The following MLPH variants were observed in gnomAD, a reference collection of about 807,000 sequenced individuals.
The protein encoded by MLPH is exophilin-3.
Under a neutral mutation model 72.1 loss-of-function variants are expected in MLPH, and 51 were observed. That is an observed-to-expected ratio of 0.71 (90% CI 0.56 to 0.89). The LOEUF (loss-of-function observed/expected upper bound fraction) is 0.89. Ranked by LOEUF, MLPH falls within the 40% of genes least tolerant of loss-of-function variation. The pLI, the probability that MLPH is intolerant of heterozygous loss-of-function variation, is 0.00. For missense variants in MLPH, 743 were observed against 759.9 expected, an observed-to-expected ratio of 0.98 and a Z score of 0.26; for synonymous variants, 301 against 310.1, an observed-to-expected ratio of 0.97 and a Z score of 0.31.
chr2:237,503,118 C>T (rs2079686955), intron 2 of MLPH, among the ~76,000 whole-genome samples: 1 of 152,038 alleles, frequency 6.6e-6, no homozygotes, highest in African/African-American at 2.4e-5. Context: ...AATTCCATCT[C>T]AAAAATAAAT....
rs1446734145 is a variant in MLPH, at chr2:237,512,759, G to C, written c.445+1658G>C. ...ACACCGGGAAAAGCCATGCTGTCAA[G>C]CATCTCAGAATCTCAACCCCAGAGG... On this transcript the variant is annotated intron_variant, in intron 4 of 15. Coordinates refer to ENST00000264605, the MANE Select transcript of MLPH (RefSeq NM_024101.7). The surrounding 1 kb of genome is among the most constrained non-coding windows in gnomAD (Gnocchi z 5.5). Among the ~76,000 whole-genome samples, 1 of 152,142 alleles carries C rather than the reference G, an allele frequency of 6.6e-6. No individual in the cohort carries two copies. The highest frequency in any genetic ancestry group is 1.5e-5 in the Non-Finnish European group (1 of 68,014).
At chr2:237,495,233 A>G (rs1323509682) in intron 2 of MLPH, among the ~76,000 whole-genome samples, 1 of 152,218 alleles carries the variant, frequency 6.6e-6, no homozygotes, top group East Asian at 1.9e-4. Context: ...GGTTACATTT[A>G]GGAACTGCCC....
intron 8 of MLPH, among the ~76,000 whole-genome samples, chr2:237,531,318 G>A (rs1171190900): frequency 2.6e-5 from 4 of 152,176 alleles, no homozygotes; most frequent in Non-Finnish European, 4.4e-5. Flanking sequence ...AGGGTGGCCA[G>A]GATAGAGACC....
chr2:237,522,057 AG>A (rs1268209940), intron 6 of MLPH, among the ~76,000 whole-genome samples: 1 of 77,932 alleles, frequency 1.3e-5, no homozygotes, highest in African/African-American at 5.7e-5. Context: ...GGAGCGGAGC[AG>A]GGCTGAGACT....
intron 13 of MLPH, among the ~76,000 whole-genome samples, chr2:237,547,336 G>A (rs1438799950): frequency 2.6e-5 from 4 of 151,008 alleles, no homozygotes; most frequent in African/African-American, 7.3e-5. Flanking sequence ...GGAGCTCCCC[G>A]TGTTTAGGTG....
chr2:237,542,435 A>G, intron 11 of MLPH, 132 bp from the exon 12 acceptor site: 1 of 743,808 alleles, frequency 1.3e-6, no homozygotes, highest in Non-Finnish European at 2.4e-6. Flanking sequence ...CTGTGATGCC[A>G]ATCTTAAGGG....
intron 2 of MLPH, among the ~76,000 whole-genome samples, chr2:237,493,837 A>G (rs922401384): frequency 3.3e-5 from 5 of 152,234 alleles, no homozygotes; most frequent in Non-Finnish European, 5.9e-5. Context: ...ATAGAGCAAA[A>G]GGTGATACAT....
chr2:237,516,370 A>G (rs1045873581), intron 4 of MLPH, among the ~76,000 whole-genome samples: 7 of 152,122 alleles, frequency 4.6e-5, no homozygotes, highest in African/African-American at 1.7e-4. Flanking sequence ...GGTCAGTGTG[A>G]GGAAGGAGCC....
Position 237,510,838 on chromosome 2 carries a change from G to A in MLPH, c.332+43G>A. The A allele has an allele frequency of 6.2e-7, 1 of 1,608,250 alleles. No individual in the cohort carries two copies. Among genetic ancestry groups the A allele is most frequent in the Non-Finnish European group, 8.5e-7 (1 of 1,175,938 alleles). ...GGTAAAATGACCTTGATAGTTTCTG[G>A]ATCTGGCGTGTCCCTTCCATGGGGC... On this transcript the variant is annotated intron_variant, in intron 3 of 15. Coordinates refer to ENST00000264605, the MANE Select transcript of MLPH (RefSeq NM_024101.7). The surrounding 1 kb of genome is among the most constrained non-coding windows in gnomAD (Gnocchi z 4.4).
At position 237,552,207 on chromosome 2, in the gene MLPH, T is replaced by C. The variant is rs1181195567; in HGVS notation, c.1676-130T>C. 1.2e-5 allele frequency: 8 copies of C among 693,432 alleles called. No individual in the cohort carries two copies. The Admixed American group carries it at 2.0e-4, about 17-fold the overall frequency. The allele number at this position is 693,432 out of a possible 1,614,324, so 43.0% of individuals were successfully genotyped here. On this transcript the variant is annotated intron_variant, in intron 14 of 15. Transcript: ENST00000264605. ...TAAATACTTTTTAAAAAATATGTGA[T>C]GTGGAAGCTTCTTAAAAGGGGATAT...
Position 237,504,413 on chromosome 2 carries a change from TCACCA to T in MLPH, c.111-6160_111-6156del, listed in dbSNP as rs2079719692. Among the ~76,000 whole-genome samples the T allele has an allele frequency of 9.8e-5, 15 of 152,294 alleles. No homozygotes were observed. The East Asian group carries it at 2.9e-3, about 29-fold the overall frequency. On this transcript the variant is annotated intron_variant, in intron 2 of 15. Coordinates refer to ENST00000264605, the MANE Select transcript of MLPH (RefSeq NM_024101.7). ...TTGTATTTTTAGTAGAGATGGGGAT[TCACCA>T]TGTTGGCCAGGCTGGTCTCGAACTC...
chr2:237,535,904 T>A (rs1363773368), intron 9 of MLPH, among the ~76,000 whole-genome samples: 1 of 152,022 alleles, frequency 6.6e-6, no homozygotes, highest in Non-Finnish European at 1.5e-5. Context: ...TTGAGAGGGG[T>A]CTCATCTCTG....
chr2:237,539,626 G>GGCT, intron 9 of MLPH, among the ~76,000 whole-genome samples: 1 of 152,172 alleles, frequency 6.6e-6, no homozygotes, highest in African/African-American at 2.4e-5. Flanking sequence ...TAACCCTCCT[G>GGCT]CCTCCTGCCC....
At chr2:237,531,327 C>CAT (rs2080416773) in intron 8 of MLPH, among the ~76,000 whole-genome samples, 1 of 152,078 alleles carries the variant, frequency 6.6e-6, no homozygotes, top group East Asian at 1.9e-4. Flanking sequence ...AGGATAGAGA[C>CAT]CTCCCCAGTG....
In MLPH at chr2:237,505,081, A is replaced by C. The variant is rs2079736347; in HGVS notation, c.111-5493A>C. ...TGCTCCCCAACCCATGCTTTTGGCC[A>C]GGCCAGCAGCTGGGCCTTGGGAGAA... On this transcript the variant is annotated intron_variant, in intron 2 of 15. Transcript: ENST00000264605. This position sits in a 1 kb window ranked among gnomAD's most constrained non-coding sequence, Gnocchi z 4.5. Among the ~76,000 whole-genome samples the C allele has an allele frequency of 6.6e-6, 1 of 152,038 alleles. No individual in the cohort carries two copies. Among genetic ancestry groups the C allele is most frequent in the South Asian group, 2.1e-4 (1 of 4,814 alleles).
intron 2 of MLPH, chr2:237,507,459 C>T (rs1170526628): frequency 6.6e-6 from 1 of 152,220 alleles, no homozygotes; most frequent in African/African-American, 2.4e-5. Context: ...CCATTGGTCT[C>T]TCTTGCACTT....
rs1160304711 is a variant in MLPH at position 237,543,390 on chromosome 2, G to T, written c.1539+731G>T. ...GAGTGGGGGGACAGTGGTGAGTGGG[G>T]GAACAGTGGTGAGTGGGGGACAGTA... On this transcript the variant is annotated intron_variant, in intron 12 of 15. Coordinates refer to ENST00000264605, the MANE Select transcript of MLPH (RefSeq NM_024101.7). Among the ~76,000 whole-genome samples, 137 of 23,692 alleles carry T rather than the reference G, an allele frequency of 5.8e-3. 6 individuals carry two copies. Among genetic ancestry groups the T allele is most frequent in the Non-Finnish European group, 8.1e-3 (121 of 14,968 alleles). 15.5% of individuals were successfully genotyped at this position (23,692 alleles called of 152,430 possible).
rs535889348 is a variant in MLPH, at chr2:237,523,882, A to G, written c.676-1719A>G. On this transcript the variant is annotated intron_variant, in intron 6 of 15. Coordinates refer to ENST00000264605, the MANE Select transcript of MLPH (RefSeq NM_024101.7). ...ATTTGCTAGAAGTCATCAAGAGGCTATTTACTGGGAGCAGTGTTTGAAGGC... is the reference window on the plus strand; with the variant it reads ...ATTTGCTAGAAGTCATCAAGAGGCTGTTTACTGGGAGCAGTGTTTGAAGGC... Among the ~76,000 whole-genome samples, 18 of 151,956 alleles carry G rather than the reference A, an allele frequency of 1.2e-4. No individual in the cohort carries two copies. In the East Asian group the frequency reaches 3.3e-3, roughly 28 times the overall value.
At chr2:237,542,452 C>G (rs1559372049) in intron 11 of MLPH, 115 bp from the exon 12 acceptor site, 1 of 814,280 alleles carries the variant, frequency 1.2e-6, no homozygotes, top group African/African-American at 1.7e-5. Context: ...AGGGAAAACA[C>G]AAGTAAAATT....
Sources: gnomAD v4.1 joint callset for allele counts (sites outside exome capture counted in the v4.1 genomes callset) on GRCh38, gnomAD v4.1.1 for gene constraint, Gnocchi (gnomAD v3.1) non-coding constraint, MANE v1.5 for transcripts, NCBI Gene and HGNC (gene_info 2026-07-23, HGNC 2026-07-21) for gene names.